Variants in KCNAB2 observed in about 807,000 individuals in gnomAD.
The protein encoded by KCNAB2 is voltage-gated potassium channel subunit beta-2.
In KCNAB2, 29 loss-of-function variants were observed where a neutral mutation model predicts 63.6. The ratio of observed to expected loss-of-function variants is 0.46; its 90% CI spans 0.34 to 0.62. The LOEUF (loss-of-function observed/expected upper bound fraction) is 0.62, where lower values mean the gene tolerates loss of function less well. Ranked by LOEUF, KCNAB2 falls within the 20% of genes least tolerant of loss-of-function variation. The pLI is 0.01. For missense variants in KCNAB2, 359 were observed against 563.9 expected (o/e 0.64, Z 3.68); for synonymous variants, 222 against 224.2 (o/e 0.99, Z 0.09).
At chr1:6,049,154 C>T in intron 1 of KCNAB2, among the ~76,000 whole-genome samples, 1 of 152,232 alleles carries the variant, frequency 6.6e-6, no homozygotes, top group East Asian at 1.9e-4. Flanking sequence ...GAAGCCAGCC[C>T]CGCCCCCACC....
At chr1:6,085,957 C>T (rs1393341867) in intron 6 of KCNAB2, 7 of 985,350 alleles carry the variant, frequency 7.1e-6, no homozygotes, top group South Asian at 4.7e-5. Flanking sequence ...GCCCAAAGGT[C>T]GCAGATCGGG....
chr1:6,083,306 G>T (rs570486836), intron 5 of KCNAB2, among the ~76,000 whole-genome samples: 2 of 152,192 alleles, frequency 1.3e-5, no homozygotes, highest in Non-Finnish European at 2.9e-5. Flanking sequence ...CCTCTTCGCT[G>T]CCTGCTTTGG....
At chr1:5,993,570 T>TAGCAGCAG (rs1557911181) in intron 1 of KCNAB2, among the ~76,000 whole-genome samples, 1 of 152,054 alleles carries the variant, frequency 6.6e-6, no homozygotes, top group East Asian at 1.9e-4. Flanking sequence ...TCCTGCGGCA[T>TAGCAGCAG]TAGCAGCAGC....
intron 1 of KCNAB2, among the ~76,000 whole-genome samples, chr1:6,038,633 A>G (rs1190355720): frequency 2.6e-5 from 4 of 152,134 alleles, no homozygotes; most frequent in Admixed American, 6.5e-5. Flanking sequence ...ATGTGCTCAC[A>G]TCGCTCACTC....
chr1:6,029,418 G>T (rs10218823), upstream of KCNAB2, among the ~76,000 whole-genome samples: 2,299 of 152,252 alleles, frequency 0.015, 32 homozygotes, highest in Non-Finnish European at 0.024. Flanking sequence ...CACCAATTTT[G>T]CTGGTAAGAC....
At position 6,025,254 on chromosome 1, in the gene KCNAB2, A is replaced by AG. The variant is rs531420222; in HGVS notation, c.-52-15258dup. On this transcript the variant is annotated intron_variant, in intron 1 of 16. Transcript: ENST00000341524. ...CAGAGCTGTGTACCTATGCCAGGAG[A>AG]GGGGGTGCCAGCCTCCCTCCTGGAA... 2.7e-4 allele frequency among the ~76,000 whole-genome samples: 41 copies of AG among 152,156 alleles called. No homozygotes were observed. The East Asian group carries it at 6.4e-3, about 24-fold the overall frequency.
intron 6 of KCNAB2, chr1:6,085,914 A>C: frequency 1.0e-6 from 1 of 985,682 alleles, no homozygotes. Flanking sequence ...CCCCTCCAGC[A>C]CAGACCGGGG....
intron 1 of KCNAB2, among the ~76,000 whole-genome samples, chr1:6,047,520 C>T (rs547004326): frequency 5.3e-5 from 8 of 152,274 alleles, no homozygotes; most frequent in East Asian, 1.9e-4. Flanking sequence ...TGGGAGTCCC[C>T]CCCACACAAG....
intron 1 of KCNAB2, among the ~76,000 whole-genome samples, chr1:6,015,188 T>C (rs981070889): frequency 1.2e-4 from 19 of 152,020 alleles, no homozygotes; most frequent in Non-Finnish European, 2.5e-4. Flanking sequence ...CCCGCCACCA[T>C]GCCCAGCTAC....
chr1:6,038,931 A>T (rs1463996879), intron 1 of KCNAB2, among the ~76,000 whole-genome samples: 1 of 152,126 alleles, frequency 6.6e-6, no homozygotes, highest in African/African-American at 2.4e-5. Flanking sequence ...GTGATTTTGG[A>T]TCAGGGGTCA....
At chr1:6,047,560 C>G (rs1661033531) in intron 1 of KCNAB2, among the ~76,000 whole-genome samples, 1 of 152,188 alleles carries the variant, frequency 6.6e-6, no homozygotes, top group South Asian at 2.1e-4. Context: ...GCTGCTGGGT[C>G]TGAGGTAGGA....
intron 1 of KCNAB2, among the ~76,000 whole-genome samples, chr1:6,004,879 A>G (rs1196342916): frequency 6.8e-6 from 1 of 147,530 alleles, no homozygotes; most frequent in Non-Finnish European, 1.5e-5. Context: ...CTTCTTCCTC[A>G]TCAGACAGTT....
Position 5,994,703 on chromosome 1 carries a change from G to A in KCNAB2, c.-53+1915G>A, listed in dbSNP as rs1455265942. ...ATTTGGAGCCTGGATGGGAAGCAGTGTGCACAGAAGCCATTGCACCCGGGA... is the reference window on the plus strand; with the variant it reads ...ATTTGGAGCCTGGATGGGAAGCAGTATGCACAGAAGCCATTGCACCCGGGA... On this transcript the variant is annotated intron_variant, in intron 1 of 16. Transcript: ENST00000341524. This position sits in a 1 kb window ranked among gnomAD's most constrained non-coding sequence, Gnocchi z 5.4. 6.6e-6 allele frequency among the ~76,000 whole-genome samples: 1 copy of A among 152,186 alleles called. No individual in the cohort carries two copies. The highest frequency in any genetic ancestry group is 1.9e-4 in the East Asian group (1 of 5,200).
intron 1 of KCNAB2, among the ~76,000 whole-genome samples, chr1:6,021,642 G>A (rs1254187854): frequency 6.6e-6 from 1 of 151,874 alleles, no homozygotes; most frequent in Non-Finnish European, 1.5e-5. Context: ...CAGTGGTATT[G>A]AGTATACAGT....
chr1:6,012,760 C>T (rs2100282608), intron 1 of KCNAB2, among the ~76,000 whole-genome samples: 1 of 150,640 alleles, frequency 6.6e-6, no homozygotes, highest in South Asian at 2.1e-4. Flanking sequence ...GTGATGGTGA[C>T]AGAGATAGAG....
At chr1:6,058,588 C>G (rs1252221216) in intron 2 of KCNAB2, among the ~76,000 whole-genome samples, 2 of 152,252 alleles carry the variant, frequency 1.3e-5, no homozygotes, top group Admixed American at 1.3e-4. Flanking sequence ...CCCTTCCCGT[C>G]CCTGGAAAAG....
At chr1:6,083,881 C>A (rs894898058) in intron 5 of KCNAB2, among the ~76,000 whole-genome samples, 1 of 152,190 alleles carries the variant, frequency 6.6e-6, no homozygotes, top group African/African-American at 2.4e-5. Context: ...CAAATCACAG[C>A]CAGAGCCACA....
chr1:6,044,574 G>C (rs921773425), upstream of KCNAB2, among the ~76,000 whole-genome samples: 4 of 152,186 alleles, frequency 2.6e-5, no homozygotes, highest in Non-Finnish European at 5.9e-5. Context: ...GAGGCTGGCT[G>C]TAGAGGTGGA....
At chr1:6,031,146 T>C (rs1659599786), upstream of KCNAB2, among the ~76,000 whole-genome samples, 1 of 152,154 alleles carries the variant, frequency 6.6e-6, no homozygotes, top group African/African-American at 2.4e-5. The surrounding 1 kb of genome is among the most constrained non-coding windows in gnomAD (Gnocchi z 4.1). Context: ...TTCTATTATT[T>C]TGTGTCTCTG....
Sources: allele counts gnomAD v4.1 joint callset (sites outside exome capture counted in the v4.1 genomes callset), GRCh38; gene constraint gnomAD v4.1.1; non-coding constraint Gnocchi (gnomAD v3.1); transcripts MANE v1.5; gene names NCBI Gene and HGNC (gene_info 2026-07-23, HGNC 2026-07-21).